The following FOXP2 variants were observed in gnomAD, a reference collection of about 807,000 sequenced individuals.
FOXP2 encodes the protein forkhead box protein P2.
Under a neutral mutation model 115.8 loss-of-function variants are expected in FOXP2, and 12 were observed. That is an observed-to-expected ratio of 0.10 (90% CI 0.07 to 0.17). FOXP2 has a LOEUF of 0.17. Among genes scored for constraint, FOXP2 ranks in the 10% least tolerant of loss-of-function variants. The pLI is 1.00. For synonymous variants in FOXP2, 328 were observed against 297.7 expected (o/e 1.10, Z -1.05); for missense variants, 629 against 843.5 (o/e 0.75, Z 3.15).
intron 2 of FOXP2, among the ~76,000 whole-genome samples, chr7:114,449,866 A>G (rs1794995824): frequency 2.0e-5 from 3 of 152,100 alleles, no homozygotes; most frequent in Admixed American, 2.0e-4. Flanking sequence ...GCAAAAATTT[A>G]CTTTACAAAT....
intron 1 of FOXP2, among the ~76,000 whole-genome samples, chr7:114,185,929 A>C (rs933167603): frequency 1.3e-5 from 2 of 152,172 alleles, no homozygotes; most frequent in Non-Finnish European, 2.9e-5. Context: ...ATACACTATC[A>C]ATATACGGGC....
chr7:114,459,604 TG>T (rs1252462653), intron 2 of FOXP2, among the ~76,000 whole-genome samples: 33 of 152,146 alleles, frequency 2.2e-4, no homozygotes, highest in Admixed American at 2.2e-3. Flanking sequence ...TTTGGTTTTT[TG>T]TTTGTTTTTG....
chr7:114,522,553 G>T (rs929386216), intron 2 of FOXP2, among the ~76,000 whole-genome samples: 1 of 152,056 alleles, frequency 6.6e-6, no homozygotes, highest in Non-Finnish European at 1.5e-5. Flanking sequence ...TCATATTGTA[G>T]ATAATTCAAT....
chr7:114,241,362 A>G (rs535909058), intron 1 of FOXP2, among the ~76,000 whole-genome samples: 2 of 152,216 alleles, frequency 1.3e-5, no homozygotes, highest in Admixed American at 1.3e-4. Context: ...ATGAATAATA[A>G]TTTCTGCCTT....
At chr7:114,467,184 G>GT (rs1221663045) in intron 2 of FOXP2, among the ~76,000 whole-genome samples, 17 of 152,166 alleles carry the variant, frequency 1.1e-4, no homozygotes, top group Non-Finnish European at 2.2e-4. Context: ...TTAATGTGTG[G>GT]TTTTTTTGGT....
At chr7:114,344,345 A>G (rs1367810854) in intron 2 of FOXP2, among the ~76,000 whole-genome samples, 3 of 151,796 alleles carry the variant, frequency 2.0e-5, no homozygotes, top group South Asian at 4.1e-4. Flanking sequence ...GTTGTACAAA[A>G]TGACATGTTA....
chr7:114,108,806 A>G (rs2129141831), intron 1 of FOXP2, among the ~76,000 whole-genome samples: 1 of 152,022 alleles, frequency 6.6e-6, no homozygotes, highest in Middle Eastern at 3.4e-3. Flanking sequence ...TATTTTTGAT[A>G]TGCCTGAAAG....
At chr7:114,519,946 A>G (rs1168966455) in intron 2 of FOXP2, among the ~76,000 whole-genome samples, 2 of 152,200 alleles carry the variant, frequency 1.3e-5, no homozygotes, top group Non-Finnish European at 2.9e-5. Context: ...ATTAATTTAA[A>G]GAAGAGAAAT....
intron 2 of FOXP2, among the ~76,000 whole-genome samples, chr7:114,460,938 A>G (rs944243416): frequency 6.6e-6 from 1 of 152,158 alleles, no homozygotes; most frequent in African/African-American, 2.4e-5. Context: ...CCGAATCTTT[A>G]CCATCCCTCC....
intron 6 of FOXP2, 48 bp from the exon 7 acceptor site, chr7:114,642,362 C>G (rs772318771): frequency 4.1e-6 from 6 of 1,477,532 alleles, no homozygotes; most frequent in Middle Eastern, 3.7e-4. Context: ...ATTATATAAA[C>G]TTTACCTTTA....
chr7:114,444,822 T>C (rs1794760364), intron 2 of FOXP2, among the ~76,000 whole-genome samples: 1 of 152,178 alleles, frequency 6.6e-6, no homozygotes, highest in Non-Finnish European at 1.5e-5. Flanking sequence ...AGTTAACATT[T>C]TAAAAGTTCA....
chr7:114,386,945 C>CT (rs1348768013), intron 2 of FOXP2, among the ~76,000 whole-genome samples: 1 of 152,096 alleles, frequency 6.6e-6, no homozygotes, highest in Non-Finnish European at 1.5e-5. Context: ...TTCAAATGAG[C>CT]TTTTTGATTT....
At position 114,334,931 on chromosome 7, in the gene FOXP2, C is replaced by CTCTCTCTCTCTATATATATA. The variant is rs1554371352; in HGVS notation, c.-11+46823_-11+46824insCTCTCTCTCTATATATATAT. Reference sequence around the variant, plus strand: ...ATATATATTTTATATATATAGAAATCTATATATATATATATATATATATAT... The same window carrying CTCTCTCTCTCTATATATATA: ...ATATATATTTTATATATATAGAAATCTCTCTCTCTCTATATATATATATATATATATATATATATATATAT... On this transcript the variant is annotated intron_variant, in intron 2 of 17. Coordinates refer to the FOXP2 transcript ENST00000634411. Among the ~76,000 whole-genome samples the CTCTCTCTCTCTATATATATA allele has an allele frequency of 6.7e-5, 8 of 119,322 alleles. No individual in the cohort carries two copies. The South Asian group carries it at 2.3e-3, about 34-fold the overall frequency. The allele number at this position is 119,322 out of a possible 152,430, so 78.3% of individuals were successfully genotyped here.
intron 8 of FOXP2, among the ~76,000 whole-genome samples, chr7:114,650,913 C>CA (rs1334992561): frequency 1.3e-5 from 2 of 151,952 alleles, no homozygotes; most frequent in Non-Finnish European, 2.9e-5. Flanking sequence ...AAGGTATAGG[C>CA]AAAACAAAGG....
At chr7:114,679,760 G>A (rs1039700830) in intron 16 of FOXP2, among the ~76,000 whole-genome samples, 5 of 151,974 alleles carry the variant, frequency 3.3e-5, no homozygotes, top group Admixed American at 1.3e-4. Context: ...CAAAGCCTAC[G>A]TGAAGCTACA....
chr7:114,255,859 G>T (rs757042075), intron 1 of FOXP2, among the ~76,000 whole-genome samples: 1 of 152,116 alleles, frequency 6.6e-6, no homozygotes, highest in Non-Finnish European at 1.5e-5. Context: ...TGGAAATGCA[G>T]AAATCACCCA....
At chr7:114,370,188 T>C (rs551222909) in intron 2 of FOXP2, among the ~76,000 whole-genome samples, 17 of 152,342 alleles carry the variant, frequency 1.1e-4, no homozygotes, top group African/African-American at 4.1e-4. Flanking sequence ...TCAACTTTTC[T>C]TTATTACCTT....
At chr7:114,616,066 C>T (rs1803932514) in intron 3 of FOXP2, among the ~76,000 whole-genome samples, 1 of 152,170 alleles carries the variant, frequency 6.6e-6, no homozygotes, top group South Asian at 2.1e-4. Flanking sequence ...ATACCCTTTG[C>T]AAGGACAGGA....
intron 2 of FOXP2, among the ~76,000 whole-genome samples, chr7:114,333,755 G>T (rs1425243760): frequency 6.6e-6 from 1 of 152,080 alleles, no homozygotes; most frequent in Admixed American, 6.5e-5. Context: ...GGGTGTGGTG[G>T]CACATGCCTG....
Sources: allele counts gnomAD v4.1 joint callset (sites outside exome capture counted in the v4.1 genomes callset), GRCh38; gene constraint gnomAD v4.1.1; transcripts MANE v1.5; gene names NCBI Gene and HGNC (gene_info 2026-07-23, HGNC 2026-07-21).